NCAM2: variants seen among roughly 807,000 people sequenced by gnomAD.
The protein encoded by NCAM2 is N-CAM-2.
Under a neutral mutation model 98.1 loss-of-function variants are expected in NCAM2, and 30 were observed. The ratio of observed to expected loss-of-function variants is 0.31; its 90% CI spans 0.23 to 0.41. The LOEUF is 0.41. Among genes scored for constraint, NCAM2 ranks in the 10% least tolerant of loss-of-function variants. NCAM2 has a pLI of 1.00. For synonymous variants in NCAM2, 368 were observed against 342.4 expected, an observed-to-expected ratio of 1.07 and a Z score of -0.83; for missense variants, 867 against 1,005.8, an observed-to-expected ratio of 0.86 and a Z score of 1.87.
intron 15 of NCAM2, among the ~76,000 whole-genome samples, chr21:21,486,287 G>C (rs1367504271): frequency 2.5e-5 from 3 of 122,290 alleles, no homozygotes; most frequent in African/African-American, 3.3e-5. Context: ...CTGGGCAACA[G>C]AGCGAGACTC....
At chr21:21,266,953 G>T (rs1178206729) in intron 1 of NCAM2, among the ~76,000 whole-genome samples, 1 of 152,068 alleles carries the variant, frequency 6.6e-6, no homozygotes, top group Non-Finnish European at 1.5e-5. Context: ...AGGTAAACTT[G>T]TGTCATAGGA....
intron 8 of NCAM2, among the ~76,000 whole-genome samples, chr21:21,364,995 C>T (rs1345166495): frequency 2.0e-5 from 3 of 152,086 alleles, no homozygotes; most frequent in Non-Finnish European, 4.4e-5. Flanking sequence ...TCCATTATTG[C>T]TCAAGCCTAC....
intron 14 of NCAM2, among the ~76,000 whole-genome samples, chr21:21,475,412 A>G (rs151153571): frequency 1.6e-4 from 24 of 152,170 alleles, no homozygotes; most frequent in African/African-American, 5.5e-4. Context: ...CTTGGTCACT[A>G]TTGTGTTCAT....
chr21:21,273,317 G>T (rs2072601580), intron 1 of NCAM2, among the ~76,000 whole-genome samples: 1 of 151,890 alleles, frequency 6.6e-6, no homozygotes, highest in Non-Finnish European at 1.5e-5. Context: ...AAGATAGATA[G>T]AACACCAAGA....
chr21:21,505,339 T>A (rs964732193), intron 15 of NCAM2, among the ~76,000 whole-genome samples: 2 of 152,048 alleles, frequency 1.3e-5, no homozygotes, highest in African/African-American at 2.4e-5. Context: ...AAGGAAGCTG[T>A]CTGCAAAGCC....
In NCAM2 at chr21:21,084,730, T is replaced by C. The variant is rs189375976; in HGVS notation, c.55+86112T>C. ...ATGCCATGGAGGTAGGGAATGTTAT[T>C]TTTTCCCCTCAAGTCTTTTGTTTCC... On this transcript the variant is annotated intron_variant, in intron 1 of 17. Transcript: ENST00000400546. Among the ~76,000 whole-genome samples the C allele has an allele frequency of 1.4e-3, 212 of 152,292 alleles. 1 individual carries two copies. The highest frequency in any genetic ancestry group is 5.0e-3 in the African/African-American group (208 of 41,574).
chr21:21,299,088 C>A (rs576074979), intron 5 of NCAM2, among the ~76,000 whole-genome samples: 1 of 151,536 alleles, frequency 6.6e-6, no homozygotes, highest in South Asian at 2.1e-4. Context: ...TTCATAGAAT[C>A]AATCAGTAAA....
At chr21:21,011,016 C>A (rs1427445304) in intron 1 of NCAM2, among the ~76,000 whole-genome samples, 1 of 151,962 alleles carries the variant, frequency 6.6e-6, no homozygotes, top group Non-Finnish European at 1.5e-5. Context: ...TAGTTTCATG[C>A]ATACAGGGGA....
chr21:21,025,303 T>C (rs534908101), intron 1 of NCAM2, among the ~76,000 whole-genome samples: 2 of 152,236 alleles, frequency 1.3e-5, no homozygotes, highest in Admixed American at 6.5e-5. Context: ...GCCAGGATGG[T>C]CTCAATCTCC....
chr21:21,072,619 C>T (rs995986893), intron 1 of NCAM2, among the ~76,000 whole-genome samples: 1 of 152,014 alleles, frequency 6.6e-6, no homozygotes, highest in Non-Finnish European at 1.5e-5. Flanking sequence ...GATCTGAAAA[C>T]GTTTCATTGA....
chr21:21,327,811 T>C (rs565572068), intron 6 of NCAM2, among the ~76,000 whole-genome samples: 9 of 152,296 alleles, frequency 5.9e-5, no homozygotes, highest in South Asian at 4.1e-4. Flanking sequence ...GAAAACCCAA[T>C]TTAGTTCATA....
intron 9 of NCAM2, among the ~76,000 whole-genome samples, chr21:21,408,112 G>A (rs921088618): frequency 9.2e-5 from 14 of 152,134 alleles, no homozygotes; most frequent in Non-Finnish European, 4.4e-5. Context: ...GTGTAGAAAC[G>A]ATCAAATAGA....
chr21:21,214,325 ATAGC>A (rs1407990875), intron 1 of NCAM2, among the ~76,000 whole-genome samples: 1 of 152,158 alleles, frequency 6.6e-6, no homozygotes, highest in Non-Finnish European at 1.5e-5. Context: ...GTATTTCTAA[ATAGC>A]TAGCTCCATT....
At chr21:21,380,108 G>A (rs1417559199) in intron 9 of NCAM2, among the ~76,000 whole-genome samples, 1 of 152,052 alleles carries the variant, frequency 6.6e-6, no homozygotes, top group African/African-American at 2.4e-5. Flanking sequence ...CCAGTCCACT[G>A]ACTCAAATGT....
At chr21:21,306,711 T>G (rs573986371) in intron 5 of NCAM2, among the ~76,000 whole-genome samples, 1 of 152,096 alleles carries the variant, frequency 6.6e-6, no homozygotes, top group Admixed American at 6.6e-5. Flanking sequence ...CCAGTTACAC[T>G]CTAAGAGATT....
chr21:21,272,138 T>G (rs562695312), intron 1 of NCAM2, among the ~76,000 whole-genome samples: 35 of 152,198 alleles, frequency 2.3e-4, no homozygotes, highest in Non-Finnish European at 4.3e-4. Flanking sequence ...TGGATTTTAT[T>G]TATACACAGT....
At chr21:21,445,355 C>G (rs988284252) in intron 12 of NCAM2, among the ~76,000 whole-genome samples, 1 of 152,022 alleles carries the variant, frequency 6.6e-6, no homozygotes, top group East Asian at 1.9e-4. Context: ...AGTTTCACTT[C>G]ATCCAGAGCT....
At chr21:21,075,979 T>G (rs1317853176) in intron 1 of NCAM2, among the ~76,000 whole-genome samples, 4 of 151,936 alleles carry the variant, frequency 2.6e-5, no homozygotes, top group Admixed American at 6.6e-5. Context: ...TAGCCAGGCA[T>G]GGTGGCATCT....
intron 1 of NCAM2, among the ~76,000 whole-genome samples, chr21:21,199,799 T>C (rs1601626637): frequency 6.6e-6 from 1 of 152,108 alleles, no homozygotes; most frequent in African/African-American, 2.4e-5. Context: ...TATAATCGTA[T>C]GGCATTCTTA....
Sources: gnomAD v4.1 joint callset for allele counts (sites outside exome capture counted in the v4.1 genomes callset) on GRCh38, gnomAD v4.1.1 for gene constraint, MANE v1.5 for transcripts, NCBI Gene and HGNC (gene_info 2026-07-23, HGNC 2026-07-21) for gene names.